ENTHD1: variants seen among roughly 807,000 people sequenced by gnomAD.
The protein encoded by ENTHD1 is ENTH domain containing 1.
A neutral mutation model predicts 39.1 loss-of-function variants in ENTHD1; 23 were observed. The observed-to-expected ratio is 0.59, with a 90% CI of 0.42 to 0.83. The LOEUF is 0.83. Ranked by LOEUF, ENTHD1 falls within the 40% of genes least tolerant of loss-of-function variation. The pLI, the probability that ENTHD1 is intolerant of heterozygous loss-of-function variation, is 0.00. For synonymous variants in ENTHD1, 230 were observed against 258.2 expected, an observed-to-expected ratio of 0.89 and a Z score of 1.05; for missense variants, 624 against 705.4, an observed-to-expected ratio of 0.88 and a Z score of 1.31.
intron 2 of ENTHD1, chr22:39,876,066 A>G: frequency 6.2e-7 from 1 of 1,613,792 alleles, no homozygotes; most frequent in South Asian, 1.1e-5. Flanking sequence ...CTCAACCTTG[A>G]AGTCCCCACG....
intron 4 of ENTHD1, among the ~76,000 whole-genome samples, chr22:39,829,578 G>T (rs1485134386): frequency 6.6e-6 from 1 of 151,884 alleles, no homozygotes; most frequent in Non-Finnish European, 1.5e-5. Flanking sequence ...TGAGGTCAGG[G>T]GTTCAAGATC....
At chr22:39,796,397 C>T (rs1341462114) in intron 5 of ENTHD1, among the ~76,000 whole-genome samples, 3 of 151,986 alleles carry the variant, frequency 2.0e-5, no homozygotes, top group East Asian at 3.8e-4. Flanking sequence ...CTCAGCCTCC[C>T]GTGTAGTTGG....
chr22:39,752,326 G>T (rs919737065), intron 6 of ENTHD1, among the ~76,000 whole-genome samples: 3 of 152,172 alleles, frequency 2.0e-5, no homozygotes, highest in African/African-American at 7.2e-5. Flanking sequence ...CATATTGCAT[G>T]ATTCCATTTA....
intron 5 of ENTHD1, among the ~76,000 whole-genome samples, chr22:39,774,490 A>C (rs2065351737): frequency 6.6e-6 from 1 of 152,070 alleles, no homozygotes; most frequent in African/African-American, 2.4e-5. Context: ...TACCTCTGTT[A>C]ATATGACCAT....
At chr22:39,858,205 C>T (rs1052616241) in intron 3 of ENTHD1, among the ~76,000 whole-genome samples, 2 of 152,230 alleles carry the variant, frequency 1.3e-5, no homozygotes, top group Admixed American at 1.3e-4. Context: ...ACAATGTTCA[C>T]AGCTTCTTCA....
chr22:39,846,969 G>T (rs374021753), intron 3 of ENTHD1, among the ~76,000 whole-genome samples: 3 of 151,554 alleles, frequency 2.0e-5, no homozygotes, highest in Non-Finnish European at 4.4e-5. Flanking sequence ...GTTCAACCAT[G>T]GTGGAAGTCA....
chr22:39,752,003 G>A (rs2065150998), intron 6 of ENTHD1, among the ~76,000 whole-genome samples: 1 of 151,936 alleles, frequency 6.6e-6, no homozygotes, highest in East Asian at 1.9e-4. Context: ...ATTTGTAATA[G>A]CCAAAAGCAT....
intron 6 of ENTHD1, among the ~76,000 whole-genome samples, chr22:39,745,612 T>C (rs2065098065): frequency 6.6e-6 from 1 of 152,148 alleles, no homozygotes. Flanking sequence ...CATCAGCACA[T>C]GGTCAAGAAA....
chr22:39,786,673 A>G (rs867330407), intron 5 of ENTHD1, among the ~76,000 whole-genome samples: 1 of 150,832 alleles, frequency 6.6e-6, no homozygotes, highest in Non-Finnish European at 1.5e-5. Context: ...AACTTTATAC[A>G]CTTTAACCAA....
At chr22:39,777,601 T>A (rs1051346995) in intron 5 of ENTHD1, among the ~76,000 whole-genome samples, 2 of 152,144 alleles carry the variant, frequency 1.3e-5, no homozygotes, top group African/African-American at 4.8e-5. Context: ...CAAATACAGA[T>A]CTGGACACAT....
At position 39,794,718 on chromosome 22, in the gene ENTHD1, G is replaced by A. The variant is rs1045884360; in HGVS notation, c.832+26275C>T. Among the ~76,000 whole-genome samples, 7 of 152,024 alleles carry A rather than the reference G, an allele frequency of 4.6e-5. 1 individual carries two copies. The South Asian group carries it at 1.5e-3, about 32-fold the overall frequency. ...ACTCAGGAGGCTGAGGCAGGAGAAT[G>A]GCGTGAACCTGGGAGGCAGAGCTTG... On this transcript the variant is annotated intron_variant, in intron 5 of 6. Transcript: ENST00000325157.
intron 1 of ENTHD1, among the ~76,000 whole-genome samples, chr22:39,890,846 A>T (rs987716400): frequency 5.3e-5 from 8 of 152,234 alleles, no homozygotes; most frequent in Non-Finnish European, 2.9e-5. Context: ...TTGTGATATG[A>T]ACGTAGAATA....
At chr22:39,811,378 C>T (rs1011147811) in intron 5 of ENTHD1, among the ~76,000 whole-genome samples, 2 of 152,152 alleles carry the variant, frequency 1.3e-5, no homozygotes, top group South Asian at 2.1e-4. Flanking sequence ...TTAGCAGAAC[C>T]AAGGGTAAGG....
chr22:39,850,949 T>G (rs1178302251), intron 3 of ENTHD1, among the ~76,000 whole-genome samples: 1 of 152,230 alleles, frequency 6.6e-6, no homozygotes, highest in Non-Finnish European at 1.5e-5. Context: ...TTCATTATTC[T>G]CTCTTGAATT....
intron 3 of ENTHD1, 76 bp from the exon 4 acceptor site, chr22:39,836,034 AG>A (rs2065905723): frequency 9.1e-7 from 1 of 1,099,920 alleles, no homozygotes; most frequent in African/African-American, 1.6e-5. Flanking sequence ...CCAATTTGTA[AG>A]TTAATCACTT....
intron 6 of ENTHD1, among the ~76,000 whole-genome samples, chr22:39,746,661 T>C (rs2065107867): frequency 6.6e-6 from 1 of 152,206 alleles, no homozygotes; most frequent in South Asian, 2.1e-4. Flanking sequence ...TTCTTTCCTC[T>C]AGGCCAGTTA....
At chr22:39,893,139 A>C (rs2066441122) in intron 1 of ENTHD1, 1 of 152,140 alleles carries the variant, frequency 6.6e-6, no homozygotes, top group East Asian at 1.9e-4. Context: ...TAGGATTCAA[A>C]GCCATGATTT....
chr22:39,743,808 A>C lies in ENTHD1; in HGVS notation c.1695T>G (p.Asp565Glu). The C allele has an allele frequency of 6.2e-7, 1 of 1,614,150 alleles. No homozygotes were observed. Among genetic ancestry groups the C allele is most frequent in the Non-Finnish European group, 8.5e-7 (1 of 1,180,012 alleles). Residue 565 changes from aspartate to glutamate, a missense_variant, in exon 7 of 7, where the codon GAT becomes GAG. Transcript: ENST00000325157. ...TAAGTTCTTGGATCACTGTGCTCAG[A>C]TCTTCATGTAATCTAGCGATCGCAC... ...VKRAIARLHE[D>E]LSTVIQELNV...
intron 5 of ENTHD1, among the ~76,000 whole-genome samples, chr22:39,810,695 A>ATCAGGTGATT (rs1318037507): frequency 2.0e-5 from 3 of 152,222 alleles, no homozygotes; most frequent in African/African-American, 7.2e-5. Flanking sequence ...GATTATTGCA[A>ATCAGGTGATT]ATATAATCAG....
Sources: allele counts gnomAD v4.1 joint callset (sites outside exome capture counted in the v4.1 genomes callset), GRCh38; gene constraint gnomAD v4.1.1; transcripts MANE v1.5; gene names NCBI Gene and HGNC (gene_info 2026-07-23, HGNC 2026-07-21).